Variants in MYLK2 observed in about 807,000 individuals in gnomAD.
MYLK2 encodes the protein myosin light chain kinase 2.
MYLK2 carries 27 observed loss-of-function variants against 58.2 expected under a neutral mutation model. That is an observed-to-expected ratio of 0.46 (90% CI 0.34 to 0.64). MYLK2 has a LOEUF of 0.64. MYLK2 is among the 30% of genes least tolerant of loss of function. The pLI is 0.01. For missense variants in MYLK2, 676 were observed against 764.3 expected (o/e 0.88, Z 1.36); for synonymous variants, 310 against 296.7 (o/e 1.04, Z -0.46).
chr20:31,823,383 C>A, intron 4 of MYLK2, 94 bp from the exon 5 acceptor site: 1 of 1,198,780 alleles, frequency 8.3e-7, no homozygotes, highest in Non-Finnish European at 1.2e-6. Context: ...CTTAACTTCC[C>A]TAGATGGGGC....
At chr20:31,831,163 G>A in intron 10 of MYLK2, 22 bp downstream of exon 10, 3 of 1,613,986 alleles carry the variant, frequency 1.9e-6, no homozygotes, top group Non-Finnish European at 2.5e-6. Flanking sequence ...GGCGGGTCGT[G>A]TTTATGGGGT....
In MYLK2 at chr20:31,833,911, A is replaced by G. The variant is rs954056475; in HGVS notation, c.*114A>G. On this transcript the variant is annotated 3_prime_UTR_variant, in exon 13 of 13. Coordinates refer to ENST00000375985, the MANE Select transcript of MYLK2 (RefSeq NM_033118.4). ...TCCCCAGGGCAGCCTCGTTAGGACAAGGCTGTGCCAGGCTGGGAGGCTCGG... is the reference window on the plus strand; with the variant it reads ...TCCCCAGGGCAGCCTCGTTAGGACAGGGCTGTGCCAGGCTGGGAGGCTCGG... The G allele has an allele frequency of 1.4e-5, 13 of 945,872 alleles. No individual in the cohort carries two copies. The highest frequency in any genetic ancestry group is 2.0e-5 in the Non-Finnish European group (12 of 613,688). 58.6% of individuals were successfully genotyped at this position (945,872 alleles called of 1,614,324 possible). A position where few individuals can be genotyped will look rare whatever the true frequency, so the allele number is the denominator to read the frequency against.
At position 31,820,378 on chromosome 20, in the gene MYLK2, C is replaced by T. The variant is rs763316056; in HGVS notation, c.305C>T (p.Ala102Val). ...GPPAALPQQT[A>V]TPETSVKKPK... Reference sequence around the variant, plus strand: ...CCGGCAGCCCTGCCCCAGCAGACTGCGACACCTGAGACCAGCGTCAAGAAG... The same window carrying T: ...CCGGCAGCCCTGCCCCAGCAGACTGTGACACCTGAGACCAGCGTCAAGAAG... The change falls in exon 3 of 13, where the codon GCG (alanine) becomes GTG (valine). Residue 102 changes from alanine to valine, a missense_variant. Coordinates refer to ENST00000375985, the MANE Select transcript of MYLK2 (RefSeq NM_033118.4). 33 of 1,612,532 alleles carry T rather than the reference C, an allele frequency of 2.0e-5. No individual in the cohort carries two copies. In the East Asian group the frequency reaches 3.1e-4, roughly 15 times the overall value.
intron 8 of MYLK2, among the ~76,000 whole-genome samples, chr20:31,827,882 C>CTTTTTTTT (rs10646259): frequency 1.1e-5 from 1 of 94,842 alleles, no homozygotes; most frequent in Non-Finnish European, 2.0e-5. Context: ...AGCAGATCTG[C>CTTTTTTTT]TTTTTTTTTT....
chr20:31,831,864 C>T lies in MYLK2; in HGVS notation c.1577+9C>T, dbSNP rs373252847. The T allele has an allele frequency of 3.8e-5, 62 of 1,614,018 alleles. No individual in the cohort carries two copies. Among genetic ancestry groups the T allele is most frequent in the Non-Finnish European group, 4.8e-5 (57 of 1,180,046 alleles). On this transcript the variant is annotated intron_variant, in intron 11 of 12. Coordinates refer to ENST00000375985, the MANE Select transcript of MYLK2 (RefSeq NM_033118.4). ...ATCGTCAAGGACCAGAGGTGAGGCT[C>T]ACCCCAGAACCTGAACTGTATGTGT... is the stretch of plus-strand genomic sequence containing the variant.
In MYLK2 at chr20:31,834,043, C is replaced by T. The variant is rs901040393; in HGVS notation, c.*246C>T. On this transcript the variant is annotated 3_prime_UTR_variant, in exon 13 of 13. Coordinates refer to ENST00000375985, the MANE Select transcript of MYLK2 (RefSeq NM_033118.4). ...CTCCCCAGACAGGGCTCCAGCCTGT[C>T]GGCCACACCCCAGACTCCAGGCCCC... 20 of 547,714 alleles carry T rather than the reference C, an allele frequency of 3.7e-5. No individual in the cohort carries two copies. The highest frequency in any genetic ancestry group is 2.2e-4 in the Admixed American group (7 of 32,148). The allele number at this position is 547,714 out of a possible 1,614,324, so 33.9% of individuals were successfully genotyped here.
intron 8 of MYLK2, chr20:31,827,528 C>CT (rs946904492): frequency 4.1e-6 from 4 of 984,836 alleles, no homozygotes; most frequent in Non-Finnish European, 4.8e-6. Context: ...TATCCTTCTT[C>CT]TTTTTTTTGA....
intron 4 of MYLK2, 55 bp downstream of exon 4, chr20:31,821,792 G>C: frequency 6.6e-7 from 1 of 1,518,154 alleles, no homozygotes; most frequent in Non-Finnish European, 8.9e-7. Context: ...GGGAGGGAAG[G>C]GGGCTGTCAG....
chr20:31,832,131 T>C lies in MYLK2; in HGVS notation c.1705T>C (p.Trp569Arg). 2.7e-6 allele frequency: 4 copies of C among 1,482,156 alleles called. No individual in the cohort carries two copies. Among genetic ancestry groups the C allele is most frequent in the Non-Finnish European group, 3.7e-6 (4 of 1,095,598 alleles). The allele number at this position is 1,482,156 out of a possible 1,614,324, so 91.8% of individuals were successfully genotyped here. ...LLKKYLMKRR[W>R]KKNFIAVSAA... ...TAAGAAATACCTCATGAAGAGGCGC[T>C]GGAAGGTACCGCTGGATTCAGGGTG... The change falls in exon 12 of 13, where the codon TGG becomes CGG. Residue 569 changes from tryptophan to arginine, a missense_variant. Physicochemically the swap from Trp to Arg is moderately radical, Grantham distance 101. Coordinates refer to ENST00000375985, the MANE Select transcript of MYLK2 (RefSeq NM_033118.4).
At chr20:31,828,370 G>T in intron 8 of MYLK2, 1 of 985,386 alleles carries the variant, frequency 1.0e-6, no homozygotes, top group Non-Finnish European at 1.2e-6. Flanking sequence ...GTGGAGGCGC[G>T]TGAGCACCCA....
At position 31,820,135 on chromosome 20, in the gene MYLK2, C is replaced by T. The variant is rs562971411; in HGVS notation, c.62C>T (p.Pro21Leu). ...GIQNPSTDKAPKGPTGERPLA... is the reference protein window; with the variant it reads ...GIQNPSTDKALKGPTGERPLA... Reference sequence around the variant, plus strand: ...CTCACCTCCTCTGCAGACAAGGCACCTAAAGGTCCCACAGGTGAAAGACCC... The same window carrying T: ...CTCACCTCCTCTGCAGACAAGGCACTTAAAGGTCCCACAGGTGAAAGACCC... Residue 21 changes from proline (P) to leucine (L), a missense_variant, in exon 3 of 13, where the codon CCT becomes CTT. Pro to Leu is a moderately conservative substitution (Grantham distance 98, BLOSUM62 -3). Transcript: ENST00000375985. The T allele has an allele frequency of 3.1e-6, 5 of 1,613,686 alleles. No homozygotes were observed. The African/African-American group carries it at 6.7e-5, about 22-fold the overall frequency.
intron 3 of MYLK2, 150 bp from the exon 4 acceptor site, chr20:31,821,289 C>T (rs1357168365): frequency 2.6e-6 from 2 of 779,468 alleles, no homozygotes; most frequent in Non-Finnish European, 4.3e-6. Flanking sequence ...CAGCCATGAA[C>T]ATCCCTTAAT....
rs1278523169 is a variant in MYLK2 at position 31,820,482 on chromosome 20, G to A, written c.409G>A (p.Ala137Thr). 5.6e-6 allele frequency: 9 copies of A among 1,609,078 alleles called. No individual in the cohort carries two copies. The highest frequency in any genetic ancestry group is 6.8e-6 in the Non-Finnish European group (8 of 1,180,004). ...RVGKKAAEGQAAARRGSPAFL... is the reference protein window; with the variant it reads ...RVGKKAAEGQTAARRGSPAFL... ...GGGCAAGAAGGCAGCAGAGGGCCAAGCAGCAGCCAGGAGGGGCTCACCTGC... is the reference window on the plus strand; with the variant it reads ...GGGCAAGAAGGCAGCAGAGGGCCAAACAGCAGCCAGGAGGGGCTCACCTGC... The change falls in exon 3 of 13, where the codon GCA (alanine) becomes ACA (threonine). Residue 137 changes from alanine (A) to threonine (T), a missense_variant. Ala to Thr is a moderately conservative substitution (Grantham distance 58, BLOSUM62 0). This residue lies in a region of MYLK2 where 306 missense variants were observed against 296.5 expected (regional missense o/e 1.03). Coordinates refer to ENST00000375985, the MANE Select transcript of MYLK2 (RefSeq NM_033118.4).
chr20:31,821,744 C>G lies in MYLK2; in HGVS notation c.772+7C>G, dbSNP rs760468089. ...GACTGCTTCCAGATTTTGGGTAGGC[C>G]AGGGGCAGGTGGGGGCTGGGGCTGC... On this transcript the variant is annotated splice_region_variant and intron_variant, in intron 4 of 12. Coordinates refer to ENST00000375985, the MANE Select transcript of MYLK2 (RefSeq NM_033118.4). 1 of 1,586,444 alleles carries G rather than the reference C, an allele frequency of 6.3e-7. No homozygotes were observed. Among genetic ancestry groups the G allele is most frequent in the Non-Finnish European group, 8.6e-7 (1 of 1,164,058 alleles).
At chr20:31,833,185 G>C (rs568521871) in intron 12 of MYLK2, among the ~76,000 whole-genome samples, 4 of 152,294 alleles carry the variant, frequency 2.6e-5, no homozygotes, top group East Asian at 3.9e-4. Context: ...TTCTAAATAG[G>C]GGGGGTCAGG....
In MYLK2 at chr20:31,824,353, G is replaced by A; in HGVS notation, c.972+1G>A. The A allele has an allele frequency of 2.5e-6, 4 of 1,610,632 alleles. No homozygotes were observed. The highest frequency in any genetic ancestry group is 3.4e-6 in the Non-Finnish European group (4 of 1,178,070). Reference sequence around the variant, plus strand: ...CAAGAAACAGACTCCCAAAGACAAGGTAGTGAGGTTGCGGGGGTGGTGGCT... The same window carrying A: ...CAAGAAACAGACTCCCAAAGACAAGATAGTGAGGTTGCGGGGGTGGTGGCT... On this transcript the variant is annotated splice_donor_variant, in intron 6 of 12. Transcript: ENST00000375985. LOFTEE classifies it high-confidence loss of function.
chr20:31,819,701 G>A, intron 2 of MYLK2, 69 bp downstream of exon 2: 2 of 1,527,464 alleles, frequency 1.3e-6, no homozygotes, highest in Non-Finnish European at 1.8e-6. Flanking sequence ...GGACTGGGCA[G>A]GTTCCTCAGT....
At chr20:31,824,425 C>T in intron 6 of MYLK2, 73 bp downstream of exon 6, 2 of 1,557,934 alleles carry the variant, frequency 1.3e-6, no homozygotes, top group African/African-American at 1.4e-5. Flanking sequence ...TCTCGCCTCC[C>T]TCCACCAGCG....
At chr20:31,829,615 G>T (rs1216453654) in intron 8 of MYLK2, among the ~76,000 whole-genome samples, 2 of 152,212 alleles carry the variant, frequency 1.3e-5, no homozygotes, top group African/African-American at 4.8e-5. Flanking sequence ...ATCAGGGGGT[G>T]GTGGCGACCA....
Sources: gnomAD v4.1 joint callset for allele counts (sites outside exome capture counted in the v4.1 genomes callset) on GRCh38, gnomAD v4.1.1 for gene constraint, gnomAD v4.1.1 regional missense constraint, MANE v1.5 for transcripts, NCBI Gene and HGNC (gene_info 2026-07-23, HGNC 2026-07-21) for gene names.